The following BRIP1 variants were observed in gnomAD, a reference collection of about 807,000 sequenced individuals.
BRIP1 encodes the protein Fanconi anemia group J protein.
BRIP1 carries 88 observed loss-of-function variants against 119.7 expected under a neutral mutation model. That is an observed-to-expected ratio of 0.74 (90% CI 0.62 to 0.88). The LOEUF is 0.88. Ranked by LOEUF, BRIP1 falls within the 40% of genes least tolerant of loss-of-function variation. BRIP1 has a pLI of 0.00. For synonymous variants in BRIP1, 443 were observed against 496.5 expected (o/e 0.89, Z 1.43); for missense variants, 1,259 against 1,455.4 (o/e 0.87, Z 2.20).
In BRIP1 at chr17:61,767,710, G is replaced by A. The variant is rs2077392469; in HGVS notation, c.2097+8691C>T. Among the ~76,000 whole-genome samples the A allele has an allele frequency of 6.6e-6, 1 of 152,144 alleles. No individual in the cohort carries two copies. The highest frequency in any genetic ancestry group is 1.5e-5 in the Non-Finnish European group (1 of 68,026). On this transcript the variant is annotated intron_variant, in intron 14 of 19. Coordinates refer to ENST00000259008, the MANE Select transcript of BRIP1 (RefSeq NM_032043.3). The surrounding 1 kb of genome is among the most constrained non-coding windows in gnomAD (Gnocchi z 5.7). ...CTCCCAAAGTGCTGGGATTACAGGTGTGAGTCACCGCACCTGGCCCTTATC... is the reference window on the plus strand; with the variant it reads ...CTCCCAAAGTGCTGGGATTACAGGTATGAGTCACCGCACCTGGCCCTTATC...
At position 61,758,157 on chromosome 17, in the gene BRIP1, T is replaced by A. The variant is rs2144817739; in HGVS notation, c.2098-13566A>T. Among the ~76,000 whole-genome samples the A allele has an allele frequency of 6.6e-6, 1 of 152,344 alleles. No individual in the cohort carries two copies. The highest frequency in any genetic ancestry group is 1.9e-4 in the East Asian group (1 of 5,194). On this transcript the variant is annotated intron_variant, in intron 14 of 19. Coordinates refer to ENST00000259008, the MANE Select transcript of BRIP1 (RefSeq NM_032043.3). The surrounding 1 kb of genome is among the most constrained non-coding windows in gnomAD (Gnocchi z 5.3). ...AGTAATCATTTAGTTAAAATGTATATAATCTGACTTGTTTTGCTTTTTAAA... is the reference window on the plus strand; with the variant it reads ...AGTAATCATTTAGTTAAAATGTATAAAATCTGACTTGTTTTGCTTTTTAAA...
chr17:61,683,966 T>C lies in BRIP1; in HGVS notation c.3080A>G (p.Glu1027Gly), dbSNP rs863224804. Residue 1027 changes from glutamate to glycine, a missense_variant, in exon 20 of 20, where the codon GAG becomes GGG. Coordinates refer to ENST00000259008, the MANE Select transcript of BRIP1 (RefSeq NM_032043.3). The surrounding 1 kb of genome is among the most constrained non-coding windows in gnomAD (Gnocchi z 4.7). ...PKATPELGSS[E>G]NSASSPPRFK... ...ACGGGGAGGACTAGAGGCACTATTC[T>C]CTGATGACCCGAGCTCAGGTGTTGC... 1 of 1,614,196 alleles carries C rather than the reference T, an allele frequency of 6.2e-7. No homozygotes were observed. The highest frequency in any genetic ancestry group is 2.2e-5 in the East Asian group (1 of 44,880).
In BRIP1 at chr17:61,751,323, T is replaced by C. The variant is rs1567787370; in HGVS notation, c.2098-6732A>G. ...AAGTAGAACAGAGGTTACCAGGGCC[T>C]GAGGGAAGGGGCTAAACAGGAGTCA... On this transcript the variant is annotated intron_variant, in intron 14 of 19. Transcript: ENST00000259008. The surrounding 1 kb of genome is among the most constrained non-coding windows in gnomAD (Gnocchi z 6.7). Among the ~76,000 whole-genome samples, 1 of 152,150 alleles carries C rather than the reference T, an allele frequency of 6.6e-6. No homozygotes were observed. The highest frequency in any genetic ancestry group is 2.4e-5 in the African/African-American group (1 of 41,438).
At chr17:61,694,511 T>C (rs2061494444) in intron 17 of BRIP1, among the ~76,000 whole-genome samples, 1 of 152,128 alleles carries the variant, frequency 6.6e-6, no homozygotes, top group Non-Finnish European at 1.5e-5. Flanking sequence ...TATGAATACA[T>C]GTTTTTTATT....
intron 10 of BRIP1, among the ~76,000 whole-genome samples, chr17:61,788,478 A>G (rs1471001159): frequency 6.6e-6 from 1 of 152,246 alleles, no homozygotes; most frequent in Non-Finnish European, 1.5e-5. Context: ...AGCTAATTCT[A>G]AAATTCAAAT....
rs61754142 is a variant in BRIP1 at position 61,683,977 on chromosome 17, G to C, written c.3069C>G (p.Leu1023=). 9.3e-6 allele frequency: 15 copies of C among 1,613,918 alleles called. No individual in the cohort carries two copies. The highest frequency in any genetic ancestry group is 1.3e-5 in the African/African-American group (1 of 74,852). Residue 1023 remains leucine (L), a synonymous_variant, in exon 20 of 20, where the codon CTC becomes CTG. Coordinates refer to ENST00000259008, the MANE Select transcript of BRIP1 (RefSeq NM_032043.3). The surrounding 1 kb of genome is among the most constrained non-coding windows in gnomAD (Gnocchi z 4.7). ...TGKIPKATPE[L]GSSENSASSP... The stretch of plus-strand genomic sequence containing the variant: ...TAGAGGCACTATTCTCTGATGACCC[G>C]AGCTCAGGTGTTGCCTTCGGTATTT...
In BRIP1 at chr17:61,846,125, T is replaced by C. The variant is rs2078725466; in HGVS notation, c.627+976A>G. On this transcript the variant is annotated intron_variant, in intron 6 of 19. Coordinates refer to ENST00000259008, the MANE Select transcript of BRIP1 (RefSeq NM_032043.3). The surrounding 1 kb of genome is among the most constrained non-coding windows in gnomAD (Gnocchi z 4.3). ...TGAACCCAGGAGGCGGAGCTTGCAG[T>C]GGGCGGAGATCACGCCACCGCACTT... Among the ~76,000 whole-genome samples, 1 of 151,716 alleles carries C rather than the reference T, an allele frequency of 6.6e-6. No homozygotes were observed. The highest frequency in any genetic ancestry group is 6.6e-5 in the Admixed American group (1 of 15,228).
chr17:61,797,276 A>G (rs1406023448), intron 9 of BRIP1, among the ~76,000 whole-genome samples: 1 of 151,916 alleles, frequency 6.6e-6, no homozygotes, highest in African/African-American at 2.4e-5. Context: ...TAGATATCAA[A>G]AAGAATAAGA....
At chr17:61,850,525 G>A (rs2078803905) in intron 4 of BRIP1, among the ~76,000 whole-genome samples, 1 of 151,822 alleles carries the variant, frequency 6.6e-6, no homozygotes, top group African/African-American at 2.4e-5. Flanking sequence ...GTCCAATACT[G>A]TTTTCAAAAC....
At position 61,699,851 on chromosome 17, in the gene BRIP1, A is replaced by G. The variant is rs547768896; in HGVS notation, c.2493-6339T>C. Among the ~76,000 whole-genome samples, 53 of 152,340 alleles carry G rather than the reference A, an allele frequency of 3.5e-4. 2 individuals are homozygous for G. In the South Asian group the frequency reaches 0.011, roughly 31 times the overall value. On this transcript the variant is annotated intron_variant, in intron 17 of 19. Transcript: ENST00000259008. The surrounding 1 kb of genome is among the most constrained non-coding windows in gnomAD (Gnocchi z 4.8). ...AAACTGCTAGGCAGAGGCTGCCTAT[A>G]TGACCAGCCCCAGTAAAATCCCTGG...
rs2078102422 is a variant in BRIP1, at chr17:61,808,230, C to A, written c.918+237G>T. 6.6e-6 allele frequency among the ~76,000 whole-genome samples: 1 copy of A among 152,094 alleles called. No homozygotes were observed. Among genetic ancestry groups the A allele is most frequent in the Non-Finnish European group, 1.5e-5 (1 of 67,994 alleles). On this transcript the variant is annotated intron_variant, in intron 7 of 19. Coordinates refer to ENST00000259008, the MANE Select transcript of BRIP1 (RefSeq NM_032043.3). This position sits in a 1 kb window ranked among gnomAD's most constrained non-coding sequence, Gnocchi z 4.1. ...AAGAAGAAACTAAGATGTCTGACTACAACAGAAATTAATTTCAAGGAATTA... is the reference window on the plus strand; with the variant it reads ...AAGAAGAAACTAAGATGTCTGACTAAAACAGAAATTAATTTCAAGGAATTA...
chr17:61,857,359 A>G lies in BRIP1; in HGVS notation c.206-128T>C, dbSNP rs961631597. 10 of 813,856 alleles carry G rather than the reference A, an allele frequency of 1.2e-5. No individual in the cohort carries two copies. In the Admixed American group the frequency reaches 2.3e-4, roughly 18 times the overall value. The allele number at this position is 813,856 out of a possible 1,614,324, so 50.4% of individuals were successfully genotyped here. A position where few individuals can be genotyped will look rare whatever the true frequency, so the allele number is the denominator to read the frequency against. ...AAGATTTTTAGGGCTAACACCAGGAAGGTACCTGGCAAACCTGGACAAGCT... is the reference window on the plus strand; with the variant it reads ...AAGATTTTTAGGGCTAACACCAGGAGGGTACCTGGCAAACCTGGACAAGCT... On this transcript the variant is annotated intron_variant, in intron 3 of 19. Coordinates refer to ENST00000259008, the MANE Select transcript of BRIP1 (RefSeq NM_032043.3). The surrounding 1 kb of genome is among the most constrained non-coding windows in gnomAD (Gnocchi z 5.1).
At chr17:61,702,778 A>G (rs1351226133) in intron 17 of BRIP1, among the ~76,000 whole-genome samples, 3 of 152,184 alleles carry the variant, frequency 2.0e-5, no homozygotes, top group Non-Finnish European at 4.4e-5. Context: ...ACAGATACAT[A>G]TGTCTTTATG....
chr17:61,833,607 G>C (rs941263195), intron 6 of BRIP1, among the ~76,000 whole-genome samples: 1 of 151,016 alleles, frequency 6.6e-6, no homozygotes. Flanking sequence ...GGAGGTGGAG[G>C]TTGCAGTGAG....
chr17:61,780,800 G>A lies in BRIP1; in HGVS notation c.1794+40C>T, dbSNP rs768277870. 3 of 1,591,726 alleles carry A rather than the reference G, an allele frequency of 1.9e-6. No homozygotes were observed. Among genetic ancestry groups the A allele is most frequent in the Non-Finnish European group, 2.6e-6 (3 of 1,159,708 alleles). ...CCACATTTATTAAAATGCTGGTACTGAGCAAGAAGACAAAATTTCCATTTA... is the reference window on the plus strand; with the variant it reads ...CCACATTTATTAAAATGCTGGTACTAAGCAAGAAGACAAAATTTCCATTTA... On this transcript the variant is annotated intron_variant, in intron 12 of 19. Coordinates refer to ENST00000259008, the MANE Select transcript of BRIP1 (RefSeq NM_032043.3). This position sits in a 1 kb window ranked among gnomAD's most constrained non-coding sequence, Gnocchi z 5.4.
At position 61,700,614 on chromosome 17, in the gene BRIP1, C is replaced by A. The variant is rs902936948; in HGVS notation, c.2493-7102G>T. Among the ~76,000 whole-genome samples the A allele has an allele frequency of 6.6e-6, 1 of 152,106 alleles. No homozygotes were observed. The highest frequency in any genetic ancestry group is 2.4e-5 in the African/African-American group (1 of 41,410). The stretch of plus-strand genomic sequence containing the variant: ...TGTCTTCTGGCTGTTTGATTTCAAC[C>A]ATCTAGATAGGAATCTCCCTGAGTT... On this transcript the variant is annotated intron_variant, in intron 17 of 19. Transcript: ENST00000259008. This position sits in a 1 kb window ranked among gnomAD's most constrained non-coding sequence, Gnocchi z 4.1.
rs2078488949 is a variant in BRIP1, at chr17:61,831,283, G to A, written c.627+15818C>T. ...CTGCATGAAAGGTAAACACTGTAAA[G>A]GAAGAAGTAAAACAGTATTTACTAG... On this transcript the variant is annotated intron_variant, in intron 6 of 19. Transcript: ENST00000259008. The surrounding 1 kb of genome is among the most constrained non-coding windows in gnomAD (Gnocchi z 4.1). 1.3e-5 allele frequency among the ~76,000 whole-genome samples: 2 copies of A among 152,132 alleles called. No individual in the cohort carries two copies. Among genetic ancestry groups the A allele is most frequent in the Non-Finnish European group, 2.9e-5 (2 of 68,028 alleles).
In BRIP1 at chr17:61,691,763, A is replaced by G. The variant is rs1420058163; in HGVS notation, c.2575+1667T>C. On this transcript the variant is annotated intron_variant, in intron 18 of 19. Transcript: ENST00000259008. This position sits in a 1 kb window ranked among gnomAD's most constrained non-coding sequence, Gnocchi z 5.0. ...GCCACCATGCCCGGCTGCAATCTAA[A>G]TTCATATGGAACCACAAAGGACCAC... is the stretch of plus-strand genomic sequence containing the variant. 6.6e-6 allele frequency among the ~76,000 whole-genome samples: 1 copy of G among 152,134 alleles called. No homozygotes were observed. The highest frequency in any genetic ancestry group is 1.5e-5 in the Non-Finnish European group (1 of 68,004).
At position 61,690,224 on chromosome 17, in the gene BRIP1, C is replaced by G. The variant is rs2061427617; in HGVS notation, c.2575+3206G>C. Among the ~76,000 whole-genome samples the G allele has an allele frequency of 6.6e-6, 1 of 152,132 alleles. No homozygotes were observed. On this transcript the variant is annotated intron_variant, in intron 18 of 19. Coordinates refer to ENST00000259008, the MANE Select transcript of BRIP1 (RefSeq NM_032043.3). This position sits in a 1 kb window ranked among gnomAD's most constrained non-coding sequence, Gnocchi z 5.6. ...TACAAGATATGCTAAAGGAAGCCTG[C>G]TAAACAGCAACACAAAAGCATAAAG...
Sources: allele counts gnomAD v4.1 joint callset (sites outside exome capture counted in the v4.1 genomes callset), GRCh38; gene constraint gnomAD v4.1.1; non-coding constraint Gnocchi (gnomAD v3.1); transcripts MANE v1.5; gene names NCBI Gene and HGNC (gene_info 2026-07-23, HGNC 2026-07-21).